Variants in WWOX observed in about 807,000 individuals in gnomAD.
The protein encoded by WWOX is WW domain-containing oxidoreductase.
In WWOX, 69 loss-of-function variants were observed where a neutral mutation model predicts 46.2. That is an observed-to-expected ratio of 1.49 (90% CI 1.23 to 1.82). The LOEUF (loss-of-function observed/expected upper bound fraction) is 1.82, where lower values mean the gene tolerates loss of function less well. Among genes scored for constraint, WWOX ranks in the 40% most tolerant of loss-of-function variants. The pLI is 0.00. For missense variants in WWOX, 919 were observed against 542.6 expected, an observed-to-expected ratio of 1.69 and a Z score of -6.89; for synonymous variants, 359 against 202.6, an observed-to-expected ratio of 1.77 and a Z score of -6.56.
At chr16:78,889,489 G>C (rs1357485624) in intron 8 of WWOX, among the ~76,000 whole-genome samples, 3 of 151,986 alleles carry the variant, frequency 2.0e-5, no homozygotes, top group Non-Finnish European at 1.5e-5. Context: ...GTTGATGCTA[G>C]ACTGTTGCAG....
intron 5 of WWOX, among the ~76,000 whole-genome samples, chr16:78,191,260 G>A (rs1377346554): frequency 2.6e-5 from 4 of 152,138 alleles, no homozygotes; most frequent in African/African-American, 7.2e-5. Flanking sequence ...CTCCACCTGG[G>A]CACCCAGCCT....
chr16:78,207,801 T>TTTTTA (rs898147954), intron 5 of WWOX, among the ~76,000 whole-genome samples: 36 of 151,742 alleles, frequency 2.4e-4, no homozygotes, highest in Admixed American at 8.5e-4. Flanking sequence ...CAACCATGCT[T>TTTTTA]TTTTATTTTA....
chr16:78,940,425 A>C (rs186049133), intron 8 of WWOX, among the ~76,000 whole-genome samples: 168 of 152,304 alleles, frequency 1.1e-3, no homozygotes, highest in Non-Finnish European at 1.9e-3. Flanking sequence ...CTGACCTTGA[A>C]ATTGCTTTTT....
chr16:79,139,389 C>G (rs919172903), intron 8 of WWOX, among the ~76,000 whole-genome samples: 1 of 152,132 alleles, frequency 6.6e-6, no homozygotes, highest in Non-Finnish European at 1.5e-5. Flanking sequence ...CTTAAACTGC[C>G]AAGTGAATTA....
chr16:78,814,151 C>T (rs143779357), intron 8 of WWOX, among the ~76,000 whole-genome samples: 5 of 152,192 alleles, frequency 3.3e-5, no homozygotes, highest in South Asian at 4.1e-4. Flanking sequence ...CAGATCCTCC[C>T]GCTGCCGGCA....
intron 8 of WWOX, among the ~76,000 whole-genome samples, chr16:78,706,207 T>C (rs1251087596): frequency 6.6e-6 from 1 of 152,148 alleles, no homozygotes; most frequent in Non-Finnish European, 1.5e-5. Flanking sequence ...AAAACAGTTT[T>C]CGTGCATATG....
At chr16:78,339,947 T>C (rs1379808756) in intron 5 of WWOX, among the ~76,000 whole-genome samples, 1 of 103,994 alleles carries the variant, frequency 9.6e-6, no homozygotes, top group East Asian at 2.1e-4. Flanking sequence ...ATAAGTATTT[T>C]TATCCTCTAT....
At chr16:78,838,123 C>G (rs979018378) in intron 8 of WWOX, among the ~76,000 whole-genome samples, 2 of 152,142 alleles carry the variant, frequency 1.3e-5, no homozygotes, top group Admixed American at 1.3e-4. Context: ...GCTTGAGAGC[C>G]TCCTCCTTCA....
intron 5 of WWOX, among the ~76,000 whole-genome samples, chr16:78,200,744 C>A (rs2036204095): frequency 6.6e-6 from 1 of 151,976 alleles, no homozygotes; most frequent in African/African-American, 2.4e-5. Context: ...TCACCAAGTT[C>A]TGTCTTGGGC....
chr16:78,578,276 A>T (rs1242058546), intron 8 of WWOX, among the ~76,000 whole-genome samples: 39 of 32,918 alleles, frequency 1.2e-3, no homozygotes, highest in East Asian at 7.2e-3. Context: ...ATATATATAT[A>T]TATATATATT....
At chr16:78,316,894 T>A (rs1364831160) in intron 5 of WWOX, among the ~76,000 whole-genome samples, 1 of 152,246 alleles carries the variant, frequency 6.6e-6, no homozygotes, top group Non-Finnish European at 1.5e-5. Context: ...TTGCTGAAAC[T>A]ACCATTTATC....
chr16:78,810,927 A>G (rs547301382), intron 8 of WWOX, among the ~76,000 whole-genome samples: 10 of 151,744 alleles, frequency 6.6e-5, no homozygotes, highest in African/African-American at 2.2e-4. Flanking sequence ...AGACATTTAG[A>G]AAATACTGCA....
chr16:79,154,195 A>T (rs991166385), intron 8 of WWOX, among the ~76,000 whole-genome samples: 1 of 152,202 alleles, frequency 6.6e-6, no homozygotes, highest in Non-Finnish European at 1.5e-5. Flanking sequence ...ATCGACACCC[A>T]CTAAATCCTT....
At chr16:78,382,652 A>G (rs926679830) in intron 5 of WWOX, among the ~76,000 whole-genome samples, 2 of 152,130 alleles carry the variant, frequency 1.3e-5, no homozygotes, top group African/African-American at 4.8e-5. Context: ...CGAGGCCTGA[A>G]CTTTTCATGT....
intron 8 of WWOX, among the ~76,000 whole-genome samples, chr16:78,628,310 G>A (rs1162841349): frequency 6.6e-6 from 1 of 152,150 alleles, no homozygotes; most frequent in Admixed American, 6.5e-5. Flanking sequence ...TTTCAGTTCA[G>A]TGTTTCAGAA....
chr16:78,792,849 C>G (rs2050640344), intron 8 of WWOX, among the ~76,000 whole-genome samples: 1 of 152,122 alleles, frequency 6.6e-6, no homozygotes, highest in African/African-American at 2.4e-5. Flanking sequence ...GCTCTCTGCT[C>G]ACCCCGGGGA....
At chr16:79,003,007 C>CCCAGCA (rs1360303267) in intron 8 of WWOX, among the ~76,000 whole-genome samples, 1 of 152,164 alleles carries the variant, frequency 6.6e-6, no homozygotes, top group Non-Finnish European at 1.5e-5. Flanking sequence ...GGTGAATGCA[C>CCCAGCA]CCAGCTCGCC....
At chr16:79,086,739 C>T (rs140261865) in intron 8 of WWOX, among the ~76,000 whole-genome samples, 3 of 152,250 alleles carry the variant, frequency 2.0e-5, no homozygotes, top group African/African-American at 7.2e-5. Context: ...AGAAATTAGC[C>T]AGGCATGGTG....
chr16:78,997,209 TC>T (rs1333284462), intron 8 of WWOX, among the ~76,000 whole-genome samples: 2 of 151,848 alleles, frequency 1.3e-5, no homozygotes, highest in Non-Finnish European at 2.9e-5. Context: ...ACTCCAAGAG[TC>T]CTCAAAGCAA....
Sources: gnomAD v4.1 joint callset for allele counts (sites outside exome capture counted in the v4.1 genomes callset) on GRCh38, gnomAD v4.1.1 for gene constraint, MANE v1.5 for transcripts, NCBI Gene and HGNC (gene_info 2026-07-23, HGNC 2026-07-21) for gene names.